The following MOB3B variants were observed in gnomAD, a reference collection of about 807,000 sequenced individuals.
The protein encoded by MOB3B is MOB kinase activator-like 2B.
MOB3B carries 7 observed loss-of-function variants against 18.7 expected under a neutral mutation model. That is an observed-to-expected ratio of 0.37 (90% CI 0.21 to 0.70). The LOEUF is 0.70. Among genes scored for constraint, MOB3B ranks in the 30% least tolerant of loss-of-function variants. The probability of loss-of-function intolerance (pLI) is 0.52; values close to 1 mark genes in which losing one functional copy is unlikely to be tolerated. For synonymous variants in MOB3B, 111 were observed against 99.9 expected, an observed-to-expected ratio of 1.11 and a Z score of -0.66; for missense variants, 253 against 281.3, an observed-to-expected ratio of 0.90 and a Z score of 0.72.
intron 2 of MOB3B, 93 bp from the exon 3 acceptor site, chr9:27,359,329 T>C: frequency 1.1e-6 from 1 of 900,860 alleles, no homozygotes; most frequent in Non-Finnish European, 1.6e-6. Flanking sequence ...AGGGCAATGC[T>C]ACAGGGAGAC....
At chr9:27,511,225 A>C (rs1311265719) in intron 1 of MOB3B, among the ~76,000 whole-genome samples, 5 of 151,380 alleles carry the variant, frequency 3.3e-5, no homozygotes, top group African/African-American at 1.2e-4. Context: ...ACAAAAAAAA[A>C]AAGAAAGAAA....
intron 2 of MOB3B, among the ~76,000 whole-genome samples, chr9:27,443,859 A>C (rs2814698): frequency 0.69 from 105,351 of 151,968 alleles, 37,029 homozygotes; most frequent in African/African-American, 0.76. Flanking sequence ...TGTACACATG[A>C]CTGGCCTTCT....
At chr9:27,444,398 G>A (rs1369482882) in intron 2 of MOB3B, among the ~76,000 whole-genome samples, 1 of 152,122 alleles carries the variant, frequency 6.6e-6, no homozygotes, top group African/African-American at 2.4e-5. Flanking sequence ...TGTAAATGGA[G>A]CTCGGGTATT....
chr9:27,481,750 C>G (rs962829324), intron 1 of MOB3B, among the ~76,000 whole-genome samples: 1 of 152,032 alleles, frequency 6.6e-6, no homozygotes, highest in African/African-American at 2.4e-5. Context: ...TGGTCTCGAT[C>G]TCCTGACCTC....
At chr9:27,508,768 A>T (rs1820095287) in intron 1 of MOB3B, among the ~76,000 whole-genome samples, 1 of 152,206 alleles carries the variant, frequency 6.6e-6, no homozygotes, top group South Asian at 2.1e-4. Flanking sequence ...GAGAAACAAC[A>T]TTAATGTTAT....
chr9:27,508,412 G>C (rs1199897253), intron 1 of MOB3B, among the ~76,000 whole-genome samples: 1 of 152,132 alleles, frequency 6.6e-6, no homozygotes, highest in Non-Finnish European at 1.5e-5. Flanking sequence ...TCCACGTGTA[G>C]GGACCATTCA....
At chr9:27,488,785 T>C (rs895679302) in intron 1 of MOB3B, among the ~76,000 whole-genome samples, 3 of 152,188 alleles carry the variant, frequency 2.0e-5, no homozygotes, top group African/African-American at 7.2e-5. Flanking sequence ...CCTTTGCTTA[T>C]CTAGAACACT....
At chr9:27,451,779 T>C (rs1332262867) in intron 2 of MOB3B, among the ~76,000 whole-genome samples, 3 of 152,170 alleles carry the variant, frequency 2.0e-5, no homozygotes, top group Non-Finnish European at 2.9e-5. Context: ...CTGACAGACA[T>C]CTTGATTATC....
chr9:27,461,835 C>T (rs1200014421), intron 1 of MOB3B, among the ~76,000 whole-genome samples: 2 of 152,084 alleles, frequency 1.3e-5, no homozygotes, highest in African/African-American at 4.8e-5. Flanking sequence ...CAGCAAAAAC[C>T]TATAATGATT....
intron 2 of MOB3B, among the ~76,000 whole-genome samples, chr9:27,380,769 C>T (rs1051396080): frequency 6.6e-6 from 1 of 151,296 alleles, no homozygotes; most frequent in Non-Finnish European, 1.5e-5. Context: ...CCATCCCCCA[C>T]CTGCCCACCA....
At position 27,365,220 on chromosome 9, in the gene MOB3B, A is replaced by G. The variant is rs1183345391; in HGVS notation, c.419-5984T>C. On this transcript the variant is annotated intron_variant, in intron 2 of 3. Coordinates refer to ENST00000262244, the MANE Select transcript of MOB3B (RefSeq NM_024761.5). ...GATAGCTTTTTGCCAGACTCCTGAT[A>G]TATATAGTCCTGGCATGGAAGGCTG... 2.1e-5 allele frequency among the ~76,000 whole-genome samples: 3 copies of G among 145,912 alleles called. No homozygotes were observed. In the East Asian group the frequency reaches 6.3e-4, roughly 31 times the overall value.
chr9:27,486,460 G>A (rs969602996), intron 1 of MOB3B, among the ~76,000 whole-genome samples: 4 of 152,162 alleles, frequency 2.6e-5, no homozygotes, highest in Admixed American at 2.0e-4. Context: ...GCATTATGGA[G>A]GCAATGAATA....
chr9:27,437,325 AG>A (rs1263320485), intron 2 of MOB3B, among the ~76,000 whole-genome samples: 1 of 152,172 alleles, frequency 6.6e-6, no homozygotes, highest in Admixed American at 6.5e-5. Context: ...TAGAGGAAAA[AG>A]TAAAATAGTT....
At chr9:27,463,750 C>T (rs1158232642) in intron 1 of MOB3B, among the ~76,000 whole-genome samples, 1 of 152,126 alleles carries the variant, frequency 6.6e-6, no homozygotes. Context: ...TGCTTGAGCC[C>T]AGGAGTTCGA....
intron 2 of MOB3B, among the ~76,000 whole-genome samples, chr9:27,400,210 A>G (rs961225155): frequency 1.3e-5 from 2 of 152,232 alleles, no homozygotes; most frequent in African/African-American, 4.8e-5. Flanking sequence ...AGATATAAAT[A>G]ACTTACTTTG....
chr9:27,465,270 G>A (rs1314315098), intron 1 of MOB3B, among the ~76,000 whole-genome samples: 1 of 152,174 alleles, frequency 6.6e-6, no homozygotes, highest in South Asian at 2.1e-4. Context: ...CAGGGCCCAT[G>A]CAAGTCCGAA....
chr9:27,441,357 A>C (rs1307858764), intron 2 of MOB3B, among the ~76,000 whole-genome samples: 1 of 152,038 alleles, frequency 6.6e-6, no homozygotes. Context: ...TCACCTTTTC[A>C]CTTAAAGGAA....
rs1359463807 is a variant in MOB3B, at chr9:27,455,364, G to A, written c.187C>T (p.His63Tyr). The A allele has an allele frequency of 1.9e-6, 3 of 1,614,194 alleles. No individual in the cohort carries two copies. The highest frequency in any genetic ancestry group is 1.7e-6 in the Non-Finnish European group (2 of 1,180,038). The part of the protein sequence containing the change: ...GEDQNDWVAV[H>Y]VVDFFNRINL... ...ATCCGATTGAAGAAGTCCACCACAT[G>A]TACTGCCACCCAGTCATTCTGGTCC... The change falls in exon 2 of 4, where the codon CAT becomes TAT. Residue 63 changes from histidine to tyrosine, a missense_variant. Coordinates refer to ENST00000262244, the MANE Select transcript of MOB3B (RefSeq NM_024761.5).
intron 1 of MOB3B, among the ~76,000 whole-genome samples, chr9:27,463,495 A>G (rs528783908): frequency 6.6e-6 from 1 of 152,290 alleles, no homozygotes; most frequent in South Asian, 2.1e-4. Flanking sequence ...AGGAAATGGG[A>G]GAAACAGAGA....
Sources: gnomAD v4.1 joint callset for allele counts (sites outside exome capture counted in the v4.1 genomes callset) on GRCh38, gnomAD v4.1.1 for gene constraint, MANE v1.5 for transcripts, NCBI Gene and HGNC (gene_info 2026-07-23, HGNC 2026-07-21) for gene names.